NR1D1: variants seen among roughly 807,000 people sequenced by gnomAD.
The protein encoded by NR1D1 is Rev-ErbAalpha.
NR1D1 carries 17 observed loss-of-function variants against 51.1 expected under a neutral mutation model. The ratio of observed to expected loss-of-function variants is 0.33; its 90% confidence interval spans 0.23 to 0.50. The LOEUF (loss-of-function observed/expected upper bound fraction) is 0.50. Among genes scored for constraint, NR1D1 ranks in the 20% least tolerant of loss-of-function variants. NR1D1 has a pLI of 0.98. For missense variants in NR1D1, 647 were observed against 830.4 expected, an observed-to-expected ratio of 0.78 and a Z score of 2.71; for synonymous variants, 341 against 333.4, an observed-to-expected ratio of 1.02 and a Z score of -0.25.
At chr17:40,096,329 G>GT (rs369097446) in intron 4 of NR1D1, 114 bp downstream of exon 4, 789,750 of 1,481,958 alleles carry the variant, frequency 0.53, 214,674 homozygotes, top group African/African-American at 0.77. Context: ...GACATCCCCT[G>GT]GCACATGTGA....
At chr17:40,099,745 G>A (rs1019563258) in intron 1 of NR1D1, among the ~76,000 whole-genome samples, 6 of 152,108 alleles carry the variant, frequency 3.9e-5, no homozygotes, top group African/African-American at 1.4e-4. Flanking sequence ...GGGCCGTTTC[G>A]GGGCACTGTT....
In NR1D1 at chr17:40,093,880, C is replaced by T. The variant is rs1214013677; in HGVS notation, c.1645+32G>A. The T allele has an allele frequency of 1.4e-5, 23 of 1,601,258 alleles. No individual in the cohort carries two copies. The highest frequency in any genetic ancestry group is 2.2e-5 in the East Asian group (1 of 44,840). On this transcript the variant is annotated intron_variant, in intron 7 of 7. Transcript: ENST00000246672. The surrounding 1 kb of genome is among the most constrained non-coding windows in gnomAD (Gnocchi z 5.9). ...GTGTTGAATTGAACTGCGTCTGCCT[C>T]CTCCCCCGGGTCAGGCGAGAGCCTG...
In NR1D1 at chr17:40,096,798, G is replaced by T; in HGVS notation, c.371-19C>A. 1 of 1,612,070 alleles carries T rather than the reference G, an allele frequency of 6.2e-7. No individual in the cohort carries two copies. Among genetic ancestry groups the T allele is most frequent in the Non-Finnish European group, 8.5e-7 (1 of 1,178,284 alleles). On this transcript the variant is annotated intron_variant, in intron 2 of 7. Transcript: ENST00000246672. Reference sequence around the variant, plus strand: ...TTCAGCTCTGTGGAAGAGACGGGCAGCAGGTGAGCAGGAGAGGCCAGGCTG... The same window carrying T: ...TTCAGCTCTGTGGAAGAGACGGGCATCAGGTGAGCAGGAGAGGCCAGGCTG...
In NR1D1 at chr17:40,094,078, C is replaced by T. The variant is rs937243891; in HGVS notation, c.1479G>A (p.Gln493=). The T allele has an allele frequency of 3.1e-6, 5 of 1,613,918 alleles. No homozygotes were observed. The African/African-American group carries it at 5.3e-5, about 17-fold the overall frequency. The change falls in exon 7 of 8, where the codon CAG becomes CAA. Residue 493 remains glutamine (Q), a synonymous_variant. Coordinates refer to ENST00000246672, the MANE Select transcript of NR1D1 (RefSeq NM_021724.5). The part of the protein sequence containing the change: ...RFASLFNVKD[Q]TVMFLSRTTY... ...TGGTGCGGCTTAGGAACATCACTGT[C>T]TGGTCCTTCACGTTGAACAACGAAG...
chr17:40,099,060 T>G (rs912198284), intron 1 of NR1D1, among the ~76,000 whole-genome samples: 1 of 142,212 alleles, frequency 7.0e-6, no homozygotes, highest in Non-Finnish European at 1.5e-5. Flanking sequence ...GCGGGGGCGG[T>G]GAGTCAGCCC....
chr17:40,098,209 G>C (rs888744091), intron 1 of NR1D1, among the ~76,000 whole-genome samples: 1 of 152,186 alleles, frequency 6.6e-6, no homozygotes, highest in Non-Finnish European at 1.5e-5. Flanking sequence ...GTATTAGCAG[G>C]AGAAAAAGGT....
Position 40,095,919 on chromosome 17 carries a change from G to A in NR1D1, c.773C>T (p.Pro258Leu), listed in dbSNP as rs201558200. The change falls in exon 5 of 8, where the codon CCG becomes CTG. Residue 258 changes from proline (P) to leucine (L), a missense_variant. Around this residue, in one of 7 missense-constraint regions of NR1D1, gnomAD observed 51 missense variants for 75.9 expected, o/e 0.67. Coordinates refer to ENST00000246672, the MANE Select transcript of NR1D1 (RefSeq NM_021724.5). Reference protein sequence around the residue: ...GPMGPSPPPAPVPSPLVGFSQ... With the variant: ...GPMGPSPPPALVPSPLVGFSQ... ...GAAGCCCACCAGGGGTGAGGGGACCGGAGCAGGGGGTGGCGAGGGGCCCAT... is the reference window on the plus strand; with the variant it reads ...GAAGCCCACCAGGGGTGAGGGGACCAGAGCAGGGGGTGGCGAGGGGCCCAT... 2.7e-5 allele frequency: 43 copies of A among 1,611,462 alleles called. No individual in the cohort carries two copies. Among genetic ancestry groups the A allele is most frequent in the Middle Eastern group, 1.7e-4 (1 of 5,992 alleles).
chr17:40,096,635 C>G (rs746961694), intron 3 of NR1D1, 48 bp from the exon 4 acceptor site: 4 of 1,613,738 alleles, frequency 2.5e-6, no homozygotes, highest in Non-Finnish European at 3.4e-6. Flanking sequence ...GGCTGGGCCT[C>G]TGTGTCCAGG....
chr17:40,096,675 C>A lies in NR1D1; in HGVS notation c.459+16G>T. On this transcript the variant is annotated intron_variant, in intron 3 of 7. Transcript: ENST00000246672. ...GGGGGCCACCTGCCCCTGCCCTTAC[C>A]CCCAGTCCGCCTCACCTTGCAGCCC... 1.2e-6 allele frequency: 2 copies of A among 1,614,116 alleles called. No individual in the cohort carries two copies. Among genetic ancestry groups the A allele is most frequent in the Non-Finnish European group, 1.7e-6 (2 of 1,179,968 alleles).
Position 40,095,837 on chromosome 17 carries a change from C to T in NR1D1, c.855G>A (p.Val285=). The change falls in exon 5 of 8, where the codon GTG becomes GTA. Residue 285 remains valine, a synonymous_variant. Coordinates refer to ENST00000246672, the MANE Select transcript of NR1D1 (RefSeq NM_021724.5). The part of the protein sequence containing the change: ...PPRSPSPEPT[V]EDVISQVARA... Reference sequence around the variant, plus strand: ...GGGCCACCTGGGATATCACATCCTCCACTGTGGGCTCAGGGCTTGGGGATC... The same window carrying T: ...GGGCCACCTGGGATATCACATCCTCTACTGTGGGCTCAGGGCTTGGGGATC... 6.2e-7 allele frequency: 1 copy of T among 1,614,030 alleles called. No homozygotes were observed. Among genetic ancestry groups the T allele is most frequent in the Non-Finnish European group, 8.5e-7 (1 of 1,179,990 alleles).
At chr17:40,094,511 G>C (rs902569712) in intron 6 of NR1D1, among the ~76,000 whole-genome samples, 1 of 152,218 alleles carries the variant, frequency 6.6e-6, no homozygotes, top group Non-Finnish European at 1.5e-5. Flanking sequence ...CACCAATCAG[G>C]CTATAAGGAC....
chr17:40,100,042 G>A (rs1456568267), intron 1 of NR1D1, 22 bp downstream of exon 1: 2 of 1,573,832 alleles, frequency 1.3e-6, no homozygotes, highest in South Asian at 1.1e-5. Context: ...GGGAAAAGAT[G>A]ATAGTAAAGA....
chr17:40,096,635 C>CT (rs1987768815), intron 3 of NR1D1, 48 bp from the exon 4 acceptor site: 1 of 1,613,738 alleles, frequency 6.2e-7, no homozygotes, highest in East Asian at 2.2e-5. Flanking sequence ...GGCTGGGCCT[C>CT]TGTGTCCAGG....
At chr17:40,095,316 A>G (rs1296167666) in intron 5 of NR1D1, 128 bp downstream of exon 5, 44 of 1,285,440 alleles carry the variant, frequency 3.4e-5, no homozygotes, top group Non-Finnish European at 4.6e-5. Flanking sequence ...GCAAGGCAAG[A>G]CATTTTCTCC....
rs371982937 is a variant in NR1D1, at chr17:40,096,600, G to T, written c.460-13C>A. On this transcript the variant is annotated splice_polypyrimidine_tract_variant and intron_variant, in intron 3 of 7. Coordinates refer to ENST00000246672, the MANE Select transcript of NR1D1 (RefSeq NM_021724.5). ...GACGGAAAAAGCCCTGGAGGGCAGG[G>T]GTGGTTAGTGACCACCTCCATCATG... 2.4e-5 allele frequency: 38 copies of T among 1,613,810 alleles called. No individual in the cohort carries two copies. Among genetic ancestry groups the T allele is most frequent in the African/African-American group, 5.3e-5 (4 of 74,944 alleles).
rs201610783 is a variant in NR1D1, at chr17:40,093,984, C to T, written c.1573G>A (p.Glu525Lys). 2 of 1,614,022 alleles carry T rather than the reference C, an allele frequency of 1.2e-6. No individual in the cohort carries two copies. Among genetic ancestry groups the T allele is most frequent in the South Asian group, 1.1e-5 (1 of 91,086 alleles). The change falls in exon 7 of 8, where the codon GAG becomes AAG. Residue 525 changes from glutamate to lysine, a missense_variant. Physicochemically the swap from Glu to Lys is moderately conservative, Grantham distance 56. Transcript: ENST00000246672. The surrounding 1 kb of genome is among the most constrained non-coding windows in gnomAD (Gnocchi z 5.9). ...GTAAGCGCCAGGGAGTTGAGCTTCT[C>T]GCTGAAGTCGAACATGGCACTGAGC... Reference protein sequence around the residue: ...DLLSAMFDFSEKLNSLALTEE... With the variant: ...DLLSAMFDFSKKLNSLALTEE...
At chr17:40,094,220 G>A (rs1018905119) in intron 6 of NR1D1, 98 bp from the exon 7 acceptor site, 17 of 1,059,344 alleles carry the variant, frequency 1.6e-5, no homozygotes, top group African/African-American at 4.7e-5. Context: ...TGCTGCCTTC[G>A]ATTTCTCAGT....
Position 40,095,830 on chromosome 17 carries a change from C to T in NR1D1, c.862G>A (p.Val288Met). The change falls in exon 5 of 8, where the codon GTG (valine) becomes ATG (methionine). Residue 288 changes from valine to methionine, a missense_variant. Physicochemically the swap from Val to Met is conservative, Grantham distance 21. This residue lies in a region of NR1D1 where 51 missense variants were observed against 75.9 expected (regional missense o/e 0.67). Coordinates refer to ENST00000246672, the MANE Select transcript of NR1D1 (RefSeq NM_021724.5). ...TGGGCCCGGGCCACCTGGGATATCA[C>T]ATCCTCCACTGTGGGCTCAGGGCTT... is the stretch of plus-strand genomic sequence containing the variant. ...SPSPEPTVEDVISQVARAHRE... is the reference protein window; with the variant it reads ...SPSPEPTVEDMISQVARAHRE... 1.2e-6 allele frequency: 2 copies of T among 1,614,058 alleles called. No homozygotes were observed. The highest frequency in any genetic ancestry group is 1.7e-6 in the Non-Finnish European group (2 of 1,180,000).
intron 5 of NR1D1, 140 bp from the exon 6 acceptor site, chr17:40,095,260 T>C (rs1987728548): frequency 8.8e-7 from 1 of 1,135,034 alleles, no homozygotes; most frequent in East Asian, 2.6e-5. Flanking sequence ...AAAGTAGCAA[T>C]TAGGTGCCAG....
Sources: allele counts gnomAD v4.1 joint callset (sites outside exome capture counted in the v4.1 genomes callset), GRCh38; gene constraint gnomAD v4.1.1; regional missense constraint gnomAD v4.1.1; non-coding constraint Gnocchi (gnomAD v3.1); transcripts MANE v1.5; gene names NCBI Gene and HGNC (gene_info 2026-07-23, HGNC 2026-07-21).